ERGIC1: variants seen among roughly 807,000 people sequenced by gnomAD.
ERGIC1 encodes endoplasmic reticulum-Golgi intermediate compartment protein 1.
A neutral mutation model predicts 38.3 loss-of-function variants in ERGIC1; 19 were observed. That is an observed-to-expected ratio of 0.50 (90% CI 0.35 to 0.73). ERGIC1 has a LOEUF of 0.73. ERGIC1 is among the 30% of genes least tolerant of loss of function. The pLI, the probability that ERGIC1 is intolerant of heterozygous loss-of-function variation, is 0.01. For synonymous variants in ERGIC1, 124 were observed against 157.6 expected (o/e 0.79, Z 1.60); for missense variants, 294 against 389.2 (o/e 0.76, Z 2.06).
At chr5:172,899,839 T>A (rs752911670) in intron 3 of ERGIC1, among the ~76,000 whole-genome samples, 1 of 152,186 alleles carries the variant, frequency 6.6e-6, no homozygotes, top group Non-Finnish European at 1.5e-5. Context: ...ACATGATATT[T>A]TATGAGGATC....
chr5:172,909,465 C>T (rs1241823975), intron 3 of ERGIC1, among the ~76,000 whole-genome samples: 1 of 152,122 alleles, frequency 6.6e-6, no homozygotes, highest in East Asian at 1.9e-4. Context: ...CAGCCCAGCC[C>T]TCCCGTCCTG....
At chr5:172,947,294 C>T (rs533644191) in intron 9 of ERGIC1, among the ~76,000 whole-genome samples, 42 of 152,288 alleles carry the variant, frequency 2.8e-4, no homozygotes, top group Admixed American at 1.2e-3. Context: ...AAATGATCCT[C>T]AGCCTCAGCC....
chr5:172,876,736 T>C (rs1270510197), intron 1 of ERGIC1, among the ~76,000 whole-genome samples: 1 of 152,164 alleles, frequency 6.6e-6, no homozygotes, highest in Non-Finnish European at 1.5e-5. Context: ...CCCTGTCCTT[T>C]CCGCTCTCCC....
chr5:172,867,704 T>C (rs1402812712), intron 1 of ERGIC1: 1 of 247,344 alleles, frequency 4.0e-6, no homozygotes, highest in East Asian at 1.3e-4. Flanking sequence ...GGGCAGTGGG[T>C]CTAGATTTCC....
rs74601714 is a variant in ERGIC1 at position 172,930,733 on chromosome 5, G to A, written c.542-1703G>A. On this transcript the variant is annotated intron_variant, in intron 7 of 9. Coordinates refer to ENST00000393784, the MANE Select transcript of ERGIC1 (RefSeq NM_001031711.3). ...TTCAAGTTTTTAACCTAGGGCAATG[G>A]GCGTTTGGACACCACTATCAAGCGT... is the stretch of plus-strand genomic sequence containing the variant. Among the ~76,000 whole-genome samples, 548 of 152,238 alleles carry A rather than the reference G, an allele frequency of 3.6e-3. 3 individuals are homozygous for A. Among genetic ancestry groups the A allele is most frequent in the African/African-American group, 0.013 (522 of 41,532 alleles).
intron 6 of ERGIC1, among the ~76,000 whole-genome samples, chr5:172,925,299 A>C (rs545391681): frequency 2.1e-4 from 32 of 152,332 alleles, no homozygotes; most frequent in African/African-American, 7.5e-4. Flanking sequence ...AAGCCATGTC[A>C]CATGACAATG....
chr5:172,891,478 C>T (rs10066450), intron 2 of ERGIC1, among the ~76,000 whole-genome samples: 1,914 of 151,638 alleles, frequency 0.013, 36 homozygotes, highest in African/African-American at 0.044. Flanking sequence ...TCGCTCTGTC[C>T]CCCAGGCTGG....
At chr5:172,903,911 T>A (rs997605140) in intron 3 of ERGIC1, among the ~76,000 whole-genome samples, 2 of 151,460 alleles carry the variant, frequency 1.3e-5, no homozygotes, top group African/African-American at 4.8e-5. Context: ...ACTGCTGTAT[T>A]TTCTTTACCA....
chr5:172,852,717 C>T (rs560659425), intron 1 of ERGIC1, among the ~76,000 whole-genome samples: 24 of 152,362 alleles, frequency 1.6e-4, no homozygotes, highest in Non-Finnish European at 3.1e-4. Context: ...AACAACTTAC[C>T]GTGTCATCAG....
intron 3 of ERGIC1, among the ~76,000 whole-genome samples, chr5:172,904,941 C>A (rs1762979378): frequency 6.6e-6 from 1 of 152,238 alleles, no homozygotes; most frequent in Non-Finnish European, 1.5e-5. Flanking sequence ...CCCTGCCCAG[C>A]ACCGCAGCCC....
At chr5:172,836,838 C>T (rs1017575972) in intron 1 of ERGIC1, among the ~76,000 whole-genome samples, 5 of 152,174 alleles carry the variant, frequency 3.3e-5, no homozygotes, top group Admixed American at 6.5e-5. Flanking sequence ...GTGCAGACAT[C>T]GATTCCCTTG....
chr5:172,844,818 CT>C (rs1203451330), intron 1 of ERGIC1, among the ~76,000 whole-genome samples: 1 of 152,126 alleles, frequency 6.6e-6, no homozygotes, highest in African/African-American at 2.4e-5. Flanking sequence ...GGCCCAGGTC[CT>C]TTTGGAGTGA....
intron 1 of ERGIC1, among the ~76,000 whole-genome samples, chr5:172,868,679 C>A (rs1761931793): frequency 6.6e-6 from 1 of 152,108 alleles, no homozygotes; most frequent in Admixed American, 6.5e-5. Context: ...AAGAGTGACC[C>A]CTGATGTCAA....
At position 172,914,850 on chromosome 5, in the gene ERGIC1, C is replaced by T. The variant is rs372505048; in HGVS notation, c.375+12C>T. ...TCAGCATCAACAAGGTATGGAAGCC[C>T]TGCCTCAGCCCTTTCTACCTGCTCC... is the stretch of plus-strand genomic sequence containing the variant. On this transcript the variant is annotated intron_variant, in intron 5 of 9. Transcript: ENST00000393784. 60 of 1,614,106 alleles carry T rather than the reference C, an allele frequency of 3.7e-5. No homozygotes were observed. The African/African-American group carries it at 7.3e-4, about 20-fold the overall frequency.
Position 172,834,586 on chromosome 5 carries a change from C to G in ERGIC1, c.20+153C>G, listed in dbSNP as rs1032336733. Among the ~76,000 whole-genome samples, 9 of 133,082 alleles carry G rather than the reference C, an allele frequency of 6.8e-5. No homozygotes were observed. Among genetic ancestry groups the G allele is most frequent in the East Asian group, 2.5e-4 (1 of 4,038 alleles). 87.3% of individuals were successfully genotyped at this position (133,082 alleles called of 152,430 possible). A position where few individuals can be genotyped will look rare whatever the true frequency, so the allele number is the denominator to read the frequency against. ...CCCTAGGGACCCCAGGCGAGCCCCCCCCCTGCCGCACACGAAGCCAGCCAG... is the reference window on the plus strand; with the variant it reads ...CCCTAGGGACCCCAGGCGAGCCCCCGCCCTGCCGCACACGAAGCCAGCCAG... On this transcript the variant is annotated intron_variant, in intron 1 of 9. Transcript: ENST00000393784. This position sits in a 1 kb window ranked among gnomAD's most constrained non-coding sequence, Gnocchi z 4.1.
chr5:172,903,876 C>T (rs1462018222), intron 3 of ERGIC1, among the ~76,000 whole-genome samples: 1 of 151,870 alleles, frequency 6.6e-6, no homozygotes, highest in East Asian at 1.9e-4. Context: ...AGGCTTCGAA[C>T]CCTGGTAGCC....
chr5:172,929,031 A>G (rs147556221), intron 7 of ERGIC1, among the ~76,000 whole-genome samples: 25 of 152,312 alleles, frequency 1.6e-4, no homozygotes, highest in African/African-American at 5.3e-4. Context: ...AAACTTTCCT[A>G]TATCAAATTG....
At chr5:172,889,025 C>CGGTG (rs1762492909) in intron 2 of ERGIC1, among the ~76,000 whole-genome samples, 1 of 152,212 alleles carries the variant, frequency 6.6e-6, no homozygotes, top group Non-Finnish European at 1.5e-5. Context: ...TGGCTCACGC[C>CGGTG]TGTAATCCCA....
Position 172,935,211 on chromosome 5 carries a change from G to A in ERGIC1, c.666G>A (p.Thr222=), listed in dbSNP as rs771935390. ...ANKEYVAYSH[T]GRIIPAIWFR... ...AGGAATACGTCGCCTACAGCCACAC[G>A]GGCCGCATCATCCCTGCAATCTGGT... Residue 222 remains threonine, a synonymous_variant, in exon 9 of 10, where the codon ACG becomes ACA. Coordinates refer to ENST00000393784, the MANE Select transcript of ERGIC1 (RefSeq NM_001031711.3). 5.6e-6 allele frequency: 9 copies of A among 1,613,958 alleles called. No individual in the cohort carries two copies. The highest frequency in any genetic ancestry group is 4.5e-5 in the East Asian group (2 of 44,888).
Sources: gnomAD v4.1 joint callset for allele counts (sites outside exome capture counted in the v4.1 genomes callset) on GRCh38, gnomAD v4.1.1 for gene constraint, Gnocchi (gnomAD v3.1) non-coding constraint, MANE v1.5 for transcripts, NCBI Gene and HGNC (gene_info 2026-07-23, HGNC 2026-07-21) for gene names.